The following PSME3IP1 variants were observed in gnomAD, a reference collection of about 807,000 sequenced individuals.
PSME3IP1 encodes proteasome activator subunit 3 interacting protein 1, also known as PSME3-interacting protein.
PSME3IP1 carries 13 observed loss-of-function variants against 34.1 expected under a neutral mutation model. That is an observed-to-expected ratio of 0.38 (90% CI 0.25 to 0.61). The LOEUF (loss-of-function observed/expected upper bound fraction) is 0.61, where lower values mean the gene tolerates loss of function less well. Among genes scored for constraint, PSME3IP1 ranks in the 20% least tolerant of loss-of-function variants. The pLI, the probability that PSME3IP1 is intolerant of heterozygous loss-of-function variation, is 0.60. For synonymous variants in PSME3IP1, 93 were observed against 114.3 expected (o/e 0.81, Z 1.19); for missense variants, 237 against 301.4 (o/e 0.79, Z 1.58).
In PSME3IP1 at chr16:57,173,727, C is replaced by T; in HGVS notation, c.127+1G>A. Reference sequence around the variant, plus strand: ...CCATTATACTGACTGTCACAGTATACCTTCTGGATCTTCAGGTTTTCGAAC... The same window carrying T: ...CCATTATACTGACTGTCACAGTATATCTTCTGGATCTTCAGGTTTTCGAAC... On this transcript the variant is annotated splice_donor_variant, in intron 2 of 6. Coordinates refer to ENST00000309137, the MANE Select transcript of PSME3IP1 (RefSeq NM_024946.4). LOFTEE classifies it high-confidence loss of function. The T allele has an allele frequency of 6.2e-7, 1 of 1,613,704 alleles. No individual in the cohort carries two copies. Among genetic ancestry groups the T allele is most frequent in the Non-Finnish European group, 8.5e-7 (1 of 1,179,964 alleles).
At chr16:57,177,170 G>T (rs2073253207) in intron 1 of PSME3IP1, among the ~76,000 whole-genome samples, 2 of 151,856 alleles carry the variant, frequency 1.3e-5, no homozygotes, top group Admixed American at 6.6e-5. Context: ...TTTTAAAAGA[G>T]AAAATTTAAA....
Position 57,154,520 on chromosome 16 carries a change from G to A in PSME3IP1, c.548-13C>T. 1 of 1,584,524 alleles carries A rather than the reference G, an allele frequency of 6.3e-7. No individual in the cohort carries two copies. Among genetic ancestry groups the A allele is most frequent in the Non-Finnish European group, 8.6e-7 (1 of 1,163,408 alleles). ...CAGGATGAGGGCTCTGCAATAAAAG[G>A]GGAAAGACTGTCACTTCATCACCCT... On this transcript the variant is annotated splice_polypyrimidine_tract_variant and intron_variant, in intron 6 of 6. Transcript: ENST00000309137. This position sits in a 1 kb window ranked among gnomAD's most constrained non-coding sequence, Gnocchi z 4.0.
At chr16:57,159,027 T>C (rs561957918) in intron 6 of PSME3IP1, among the ~76,000 whole-genome samples, 2 of 152,328 alleles carry the variant, frequency 1.3e-5, no homozygotes, top group East Asian at 3.9e-4. Flanking sequence ...AAAATGGCGT[T>C]ATGTGGCACA....
chr16:57,159,267 T>A lies in PSME3IP1; in HGVS notation c.547+4734A>T, dbSNP rs189151065. On this transcript the variant is annotated intron_variant, in intron 6 of 6. Transcript: ENST00000309137. ...TTCAAGAAAGAAAAGAGATTGCAAA[T>A]CTGACAAATTTCATTCCAAAAGCAG... Among the ~76,000 whole-genome samples the A allele has an allele frequency of 5.1e-3, 781 of 152,250 alleles. 8 individuals carry two copies. Among genetic ancestry groups the A allele is most frequent in the African/African-American group, 0.018 (757 of 41,548 alleles).
chr16:57,178,691 A>G, intron 1 of PSME3IP1: 7 of 984,712 alleles, frequency 7.1e-6, no homozygotes, highest in Non-Finnish European at 8.4e-6. Context: ...ACAAAGGACT[A>G]AAAATTAAAT....
intron 2 of PSME3IP1, 60 bp downstream of exon 2, chr16:57,173,668 A>T: frequency 6.3e-7 from 1 of 1,584,352 alleles, no homozygotes; most frequent in Non-Finnish European, 8.6e-7. Flanking sequence ...GACAATTAAT[A>T]CCTACTCTGC....
chr16:57,174,836 T>C (rs2073022625), intron 1 of PSME3IP1: 1 of 274,378 alleles, frequency 3.6e-6, no homozygotes, highest in Non-Finnish European at 5.6e-6. Flanking sequence ...GTAAACCCCT[T>C]GTCTGTGCCA....
intron 6 of PSME3IP1, among the ~76,000 whole-genome samples, chr16:57,163,055 C>T (rs1241402665): frequency 2.0e-5 from 3 of 152,052 alleles, no homozygotes; most frequent in African/African-American, 7.2e-5. Context: ...ATCCCAAATA[C>T]TCGGGAGGGT....
Position 57,155,671 on chromosome 16 carries a change from C to T in PSME3IP1, c.548-1164G>A, listed in dbSNP as rs770087316. Reference sequence around the variant, plus strand: ...ACAAAAAATTAGCTGGGTGTGGTGACGCGTGCCTGTAATCCCAGTTACTAG... The same window carrying T: ...ACAAAAAATTAGCTGGGTGTGGTGATGCGTGCCTGTAATCCCAGTTACTAG... On this transcript the variant is annotated intron_variant, in intron 6 of 6. Transcript: ENST00000309137. Among the ~76,000 whole-genome samples, 75 of 151,976 alleles carry T rather than the reference C, an allele frequency of 4.9e-4. 2 individuals carry two copies. The highest frequency in any genetic ancestry group is 2.1e-4 in the Non-Finnish European group (14 of 67,984).
intron 6 of PSME3IP1, among the ~76,000 whole-genome samples, chr16:57,161,759 G>A (rs555075362): frequency 1.1e-4 from 16 of 152,134 alleles, no homozygotes; most frequent in South Asian, 8.3e-4. Context: ...TGATTCACCC[G>A]CCTCGGCTCC....
In PSME3IP1 at chr16:57,176,458, A is replaced by C. The variant is rs537489515; in HGVS notation, c.-15-2589T>G. On this transcript the variant is annotated intron_variant, in intron 1 of 6. Transcript: ENST00000309137. The stretch of plus-strand genomic sequence containing the variant: ...ATCCAACTCATATATTAAAACTTCA[A>C]GAGGGACCACTGCATTCCCTTCCTA... Among the ~76,000 whole-genome samples, 398 of 152,342 alleles carry C rather than the reference A, an allele frequency of 2.6e-3. 3 individuals carry two copies. The highest frequency in any genetic ancestry group is 9.3e-3 in the African/African-American group (386 of 41,576).
chr16:57,161,560 G>A (rs370730394), intron 6 of PSME3IP1, among the ~76,000 whole-genome samples: 2 of 148,112 alleles, frequency 1.4e-5, no homozygotes, highest in East Asian at 3.9e-4. Context: ...CACCCAGGCT[G>A]GAGTGCAGTG....
chr16:57,154,105 G>C lies in PSME3IP1; in HGVS notation c.*185C>G. 1 of 593,132 alleles carries C rather than the reference G, an allele frequency of 1.7e-6. No individual in the cohort carries two copies. Among genetic ancestry groups the C allele is most frequent in the East Asian group, 2.9e-5 (1 of 34,610 alleles). The allele number at this position is 593,132 out of a possible 1,614,324, so 36.7% of individuals were successfully genotyped here. A position where few individuals can be genotyped will look rare whatever the true frequency, so the allele number is the denominator to read the frequency against. On this transcript the variant is annotated 3_prime_UTR_variant, in exon 7 of 7. Transcript: ENST00000309137. This position sits in a 1 kb window ranked among gnomAD's most constrained non-coding sequence, Gnocchi z 4.0. ...GTCATCTGCAGTGGAGTAGAAAGAG[G>C]AACCAAACACGATTCGGGCCACAGG...
chr16:57,171,967 C>T (rs2072635064), intron 4 of PSME3IP1, among the ~76,000 whole-genome samples: 1 of 152,208 alleles, frequency 6.6e-6, no homozygotes, highest in Admixed American at 6.5e-5. Flanking sequence ...ATGAAGCTGA[C>T]TGCACTGCCC....
chr16:57,183,520 A>G (rs1170033340), intron 1 of PSME3IP1, among the ~76,000 whole-genome samples: 1 of 152,072 alleles, frequency 6.6e-6, no homozygotes, highest in Non-Finnish European at 1.5e-5. Context: ...TTTAGTAGAG[A>G]CAGGGTTTCA....
intron 6 of PSME3IP1, among the ~76,000 whole-genome samples, chr16:57,155,971 A>G (rs1488224948): frequency 6.6e-6 from 1 of 152,144 alleles, no homozygotes; most frequent in African/African-American, 2.4e-5. Context: ...CCCTGTCTCA[A>G]AAAACAAACA....
chr16:57,157,785 GT>G (rs2070735493), intron 6 of PSME3IP1, among the ~76,000 whole-genome samples: 1 of 152,086 alleles, frequency 6.6e-6, no homozygotes, highest in Non-Finnish European at 1.5e-5. Context: ...AATTCAGACA[GT>G]TTTTTAAAAT....
At chr16:57,176,782 G>A (rs1388062868) in intron 1 of PSME3IP1, among the ~76,000 whole-genome samples, 2 of 152,118 alleles carry the variant, frequency 1.3e-5, no homozygotes, top group Non-Finnish European at 2.9e-5. Flanking sequence ...ATTTAAACCT[G>A]GGAAATAAAT....
At position 57,182,064 on chromosome 16, in the gene PSME3IP1, T is replaced by C. The variant is rs200649151; in HGVS notation, c.-16+3757A>G. Among the ~76,000 whole-genome samples the C allele has an allele frequency of 3.7e-4, 56 of 152,318 alleles. 1 individual carries two copies. The East Asian group carries it at 8.1e-3, about 22-fold the overall frequency. ...GTTGAAGGTCCCAACCCTCTAATCCTGCCTGGGTCTTTCAAGTGACCAGCC... is the reference window on the plus strand; with the variant it reads ...GTTGAAGGTCCCAACCCTCTAATCCCGCCTGGGTCTTTCAAGTGACCAGCC... On this transcript the variant is annotated intron_variant, in intron 1 of 6. Transcript: ENST00000309137.
Sources: gnomAD v4.1 joint callset for allele counts (sites outside exome capture counted in the v4.1 genomes callset) on GRCh38, gnomAD v4.1.1 for gene constraint, Gnocchi (gnomAD v3.1) non-coding constraint, MANE v1.5 for transcripts, NCBI Gene and HGNC (gene_info 2026-07-23, HGNC 2026-07-21) for gene names.